ST6GALNAC3: variants seen among roughly 807,000 people sequenced by gnomAD.
The protein encoded by ST6GALNAC3 is ST6 N-acetylgalactosaminide alpha-2,6-sialyltransferase 3.
In ST6GALNAC3, 25 loss-of-function variants were observed where a neutral mutation model predicts 32.7. The observed-to-expected ratio is 0.76, with a 90% CI of 0.56 to 1.07. ST6GALNAC3 has a LOEUF of 1.07. Ranked by LOEUF, ST6GALNAC3 falls within the 50% of genes least tolerant of loss-of-function variation. The pLI is 0.00. For synonymous variants in ST6GALNAC3, 129 were observed against 133.1 expected, an observed-to-expected ratio of 0.97 and a Z score of 0.21; for missense variants, 355 against 382.4, an observed-to-expected ratio of 0.93 and a Z score of 0.60.
chr1:76,192,485 G>A (rs1193321776), intron 1 of ST6GALNAC3, among the ~76,000 whole-genome samples: 1 of 152,146 alleles, frequency 6.6e-6, no homozygotes, highest in African/African-American at 2.4e-5. Flanking sequence ...GGTAAAGAGA[G>A]GCACGCTTCA....
chr1:76,118,794 G>C (rs1283283082), intron 1 of ST6GALNAC3, among the ~76,000 whole-genome samples: 1 of 152,044 alleles, frequency 6.6e-6, no homozygotes, highest in African/African-American at 2.4e-5. Context: ...TGTGAATACA[G>C]TTTTCCTGAA....
chr1:76,605,476 T>C (rs1408187437), intron 3 of ST6GALNAC3, among the ~76,000 whole-genome samples: 4 of 152,152 alleles, frequency 2.6e-5, no homozygotes, highest in African/African-American at 4.8e-5. Flanking sequence ...GGAGAAATTT[T>C]TTGCAATCTT....
intron 3 of ST6GALNAC3, among the ~76,000 whole-genome samples, chr1:76,448,161 G>A (rs1657121194): frequency 6.6e-6 from 1 of 152,212 alleles, no homozygotes; most frequent in African/African-American, 2.4e-5. Context: ...TGACCTGGTA[G>A]ATGTGAGACA....
intron 1 of ST6GALNAC3, among the ~76,000 whole-genome samples, chr1:76,099,834 G>T (rs993720259): frequency 6.6e-6 from 1 of 152,034 alleles, no homozygotes; most frequent in Admixed American, 6.5e-5. Context: ...TAACTCCATA[G>T]ATTCGTTTAG....
At chr1:76,316,199 C>T (rs1646862534) in intron 2 of ST6GALNAC3, among the ~76,000 whole-genome samples, 1 of 151,896 alleles carries the variant, frequency 6.6e-6, no homozygotes, top group African/African-American at 2.4e-5. Context: ...ATTGTAATAC[C>T]CACTTTGGAA....
chr1:76,099,605 TGA>T (rs1647185231), intron 1 of ST6GALNAC3, among the ~76,000 whole-genome samples: 1 of 152,162 alleles, frequency 6.6e-6, no homozygotes, highest in Non-Finnish European at 1.5e-5. Context: ...TCTATCTATA[TGA>T]CGTTTATAAA....
chr1:76,289,653 C>T (rs1320477917), intron 1 of ST6GALNAC3, among the ~76,000 whole-genome samples: 2 of 152,148 alleles, frequency 1.3e-5, no homozygotes, highest in Non-Finnish European at 2.9e-5. Flanking sequence ...GCACCAACCC[C>T]ATTAAGTTGG....
intron 1 of ST6GALNAC3, among the ~76,000 whole-genome samples, chr1:76,102,262 T>C (rs907431834): frequency 6.7e-6 from 1 of 149,604 alleles, no homozygotes; most frequent in African/African-American, 2.4e-5. Flanking sequence ...TGTGTGTGTG[T>C]GTGTGCCTAT....
chr1:76,415,232 C>T (rs1187645590), intron 3 of ST6GALNAC3, among the ~76,000 whole-genome samples: 4 of 121,720 alleles, frequency 3.3e-5, no homozygotes, highest in Non-Finnish European at 6.6e-5. Flanking sequence ...AGAAGAAATA[C>T]TCTCTAGTTT....
At chr1:76,490,249 C>T (rs567288311) in intron 3 of ST6GALNAC3, among the ~76,000 whole-genome samples, 25 of 152,004 alleles carry the variant, frequency 1.6e-4, no homozygotes, top group African/African-American at 6.0e-4. Context: ...TGATGAGATT[C>T]CTCTCCTGAC....
At chr1:76,313,189 C>CCATT (rs909183612) in intron 1 of ST6GALNAC3, among the ~76,000 whole-genome samples, 8 of 152,090 alleles carry the variant, frequency 5.3e-5, no homozygotes, top group Non-Finnish European at 1.2e-4. Flanking sequence ...ATGTGAACAT[C>CCATT]CATTCATTCA....
chr1:76,508,386 C>T (rs963452888), intron 3 of ST6GALNAC3, among the ~76,000 whole-genome samples: 2 of 152,092 alleles, frequency 1.3e-5, no homozygotes, highest in African/African-American at 2.4e-5. Flanking sequence ...CGGTCTGTGG[C>T]CCTAGGGTTA....
chr1:76,485,042 C>T (rs976892148), intron 3 of ST6GALNAC3, among the ~76,000 whole-genome samples: 1 of 151,994 alleles, frequency 6.6e-6, no homozygotes, highest in African/African-American at 2.4e-5. Context: ...TTGCATACGT[C>T]AAACCAGCCT....
chr1:76,451,652 C>T (rs559722223), intron 3 of ST6GALNAC3, among the ~76,000 whole-genome samples: 3 of 151,986 alleles, frequency 2.0e-5, no homozygotes, highest in African/African-American at 4.8e-5. Flanking sequence ...TAGGTATATT[C>T]CTAAGTTTAT....
intron 2 of ST6GALNAC3, among the ~76,000 whole-genome samples, chr1:76,315,844 A>G (rs1646854958): frequency 6.6e-6 from 1 of 152,152 alleles, no homozygotes; most frequent in Admixed American, 6.6e-5. Context: ...CCAAATTGCT[A>G]TTCAATGAAT....
At chr1:76,098,250 A>G (rs1300184198) in intron 1 of ST6GALNAC3, among the ~76,000 whole-genome samples, 1 of 152,244 alleles carries the variant, frequency 6.6e-6, no homozygotes, top group Non-Finnish European at 1.5e-5. Flanking sequence ...AATAGCAGAA[A>G]GACATAGAAA....
chr1:76,254,050 T>C (rs1363969764), intron 1 of ST6GALNAC3, among the ~76,000 whole-genome samples: 8 of 152,186 alleles, frequency 5.3e-5, no homozygotes. Flanking sequence ...ATTTTCATTC[T>C]GGTAATTTTC....
chr1:76,490,868 T>C lies in ST6GALNAC3; in HGVS notation c.623+78451T>C, dbSNP rs923961720. 1.2e-3 allele frequency among the ~76,000 whole-genome samples: 94 copies of C among 79,940 alleles called. 1 individual carries two copies. The African/African-American group carries it at 0.018, about 15-fold the overall frequency. The allele number at this position is 79,940 out of a possible 152,430, so 52.4% of individuals were successfully genotyped here. A position where few individuals can be genotyped will look rare whatever the true frequency, so the allele number is the denominator to read the frequency against. The stretch of plus-strand genomic sequence containing the variant: ...TTTTTCTTTTTTTCTTTTTTTTTGT[T>C]TTTTTTTGAGACAGAGTTTGACTCT... On this transcript the variant is annotated intron_variant, in intron 3 of 4. Transcript: ENST00000328299.
downstream of ST6GALNAC3, among the ~76,000 whole-genome samples, chr1:76,635,635 A>C (rs1649485962): frequency 6.6e-6 from 1 of 152,174 alleles, no homozygotes; most frequent in Admixed American, 6.5e-5. Flanking sequence ...GTAGCTTAAG[A>C]GAATAAGATT....
Sources: gnomAD v4.1 joint callset for allele counts (sites outside exome capture counted in the v4.1 genomes callset) on GRCh38, gnomAD v4.1.1 for gene constraint, MANE v1.5 for transcripts, NCBI Gene and HGNC (gene_info 2026-07-23, HGNC 2026-07-21) for gene names.